The following PAK2 variants were observed in gnomAD, a reference collection of about 807,000 sequenced individuals.
PAK2 encodes serine/threonine-protein kinase PAK 2.
Under a neutral mutation model 65.9 loss-of-function variants are expected in PAK2, and 21 were observed. The ratio of observed to expected loss-of-function variants is 0.32; its 90% CI spans 0.23 to 0.46. PAK2 has a LOEUF of 0.46. Among genes scored for constraint, PAK2 ranks in the 20% least tolerant of loss-of-function variants. The pLI, the probability that PAK2 is intolerant of heterozygous loss-of-function variation, is 1.00. For synonymous variants in PAK2, 204 were observed against 219.7 expected, an observed-to-expected ratio of 0.93 and a Z score of 0.63; for missense variants, 324 against 642.6, an observed-to-expected ratio of 0.50 and a Z score of 5.36.
intron 2 of PAK2, among the ~76,000 whole-genome samples, chr3:196,797,619 G>C (rs1041837178): frequency 1.3e-5 from 2 of 151,942 alleles, no homozygotes; most frequent in Non-Finnish European, 2.9e-5. Context: ...AGGCGTGGTC[G>C]TGGGCACCTG....
rs932230388 is a variant in PAK2, at chr3:196,772,231, G to C, written c.-21-10395G>C. On this transcript the variant is annotated intron_variant, in intron 1 of 14. Transcript: ENST00000327134. The stretch of plus-strand genomic sequence containing the variant: ...TTTCAGGCCTAGCCTTATGTGGGAG[G>C]GACGCCTGTTAATTTTTCAACATTA... Among the ~76,000 whole-genome samples, 9 of 152,212 alleles carry C rather than the reference G, an allele frequency of 5.9e-5. No individual in the cohort carries two copies. In the East Asian group the frequency reaches 1.7e-3, roughly 29 times the overall value.
At chr3:196,817,708 A>G (rs958215594) in intron 11 of PAK2, among the ~76,000 whole-genome samples, 1 of 152,172 alleles carries the variant, frequency 6.6e-6, no homozygotes, top group Non-Finnish European at 1.5e-5. Context: ...CATGTTGGCC[A>G]GGCTGGTCTT....
At chr3:196,749,805 G>A (rs2931210) in intron 1 of PAK2, among the ~76,000 whole-genome samples, 4 of 151,580 alleles carry the variant, frequency 2.6e-5, no homozygotes, top group Non-Finnish European at 5.9e-5. Flanking sequence ...CATTCCAATA[G>A]GTAGTAGTGT....
chr3:196,821,483 A>G (rs1159511371), intron 13 of PAK2, among the ~76,000 whole-genome samples: 1 of 152,150 alleles, frequency 6.6e-6, no homozygotes, highest in African/African-American at 2.4e-5. Context: ...TGGAAGTTCA[A>G]GATCAGCCTG....
At chr3:196,804,770 G>A (rs1715527878) in intron 4 of PAK2, among the ~76,000 whole-genome samples, 1 of 151,400 alleles carries the variant, frequency 6.6e-6, no homozygotes, top group South Asian at 2.1e-4. Context: ...CGCCCGGCCT[G>A]TGCGTATGTA....
chr3:196,814,955 G>T (rs1467167352), intron 11 of PAK2, among the ~76,000 whole-genome samples: 1 of 150,208 alleles, frequency 6.7e-6, no homozygotes, highest in Admixed American at 6.6e-5. Context: ...CGAGGCGGGT[G>T]GATCACAAGG....
At chr3:196,823,907 G>A (rs970732894) in intron 13 of PAK2, among the ~76,000 whole-genome samples, 11 of 151,826 alleles carry the variant, frequency 7.2e-5, no homozygotes, top group African/African-American at 2.7e-4. Context: ...GGATGAGGAA[G>A]ATGAGAATTC....
At chr3:196,827,393 A>C in intron 14 of PAK2, 60 bp downstream of exon 14, 1 of 1,566,812 alleles carries the variant, frequency 6.4e-7, no homozygotes, top group Non-Finnish European at 8.6e-7. Flanking sequence ...ACCGACAGAA[A>C]GCTTTCCTAG....
chr3:196,755,203 G>GT (rs1713728647), intron 1 of PAK2, among the ~76,000 whole-genome samples: 1 of 152,170 alleles, frequency 6.6e-6, no homozygotes, highest in African/African-American at 2.4e-5. Flanking sequence ...AATCACTTAA[G>GT]TAGTAACATC....
chr3:196,804,426 C>G (rs551357785), intron 4 of PAK2, among the ~76,000 whole-genome samples: 1 of 152,012 alleles, frequency 6.6e-6, no homozygotes, highest in South Asian at 2.1e-4. Context: ...TCACCTAGTA[C>G]ACATACATAC....
At chr3:196,810,895 T>C (rs910076204) in intron 8 of PAK2, among the ~76,000 whole-genome samples, 26 of 152,076 alleles carry the variant, frequency 1.7e-4, no homozygotes, top group African/African-American at 6.3e-4. Context: ...CCATCTGTGA[T>C]AATTAGAGGG....
At chr3:196,776,117 C>G (rs1403430727) in intron 1 of PAK2, among the ~76,000 whole-genome samples, 7 of 152,154 alleles carry the variant, frequency 4.6e-5, no homozygotes, top group African/African-American at 1.7e-4. Flanking sequence ...TCCGAATATT[C>G]TTAACACATT....
chr3:196,782,893 T>C (rs1714758470), intron 2 of PAK2, 60 bp downstream of exon 2: 1 of 1,127,834 alleles, frequency 8.9e-7, no homozygotes, highest in Non-Finnish European at 1.3e-6. Context: ...ATGTTACCCA[T>C]GTTGATAACT....
At chr3:196,798,341 TC>T (rs1715321086) in intron 2 of PAK2, among the ~76,000 whole-genome samples, 1 of 130,664 alleles carries the variant, frequency 7.7e-6, no homozygotes, top group Admixed American at 8.9e-5. Context: ...AACTTTTTTT[TC>T]TTTTCTCTTT....
At chr3:196,815,659 C>CAT (rs1715999069) in intron 11 of PAK2, among the ~76,000 whole-genome samples, 2 of 151,618 alleles carry the variant, frequency 1.3e-5, no homozygotes, top group South Asian at 2.1e-4. Context: ...TGGTGGTACG[C>CAT]GCCTGTAGTC....
At chr3:196,761,369 T>C in intron 1 of PAK2, among the ~76,000 whole-genome samples, 1 of 83,328 alleles carries the variant, frequency 1.2e-5, no homozygotes, top group African/African-American at 4.9e-5. Context: ...TTAACGAGCA[T>C]GCTGCCTTCA....
Position 196,820,323 on chromosome 3 carries a change from TA to T in PAK2, c.1154-44del. 1.7e-6 allele frequency: 2 copies of T among 1,186,018 alleles called. No homozygotes were observed. Among genetic ancestry groups the T allele is most frequent in the Non-Finnish European group, 2.4e-6 (2 of 845,264 alleles). 73.5% of individuals were successfully genotyped at this position (1,186,018 alleles called of 1,614,324 possible). On this transcript the variant is annotated intron_variant, in intron 12 of 14. Transcript: ENST00000327134. The surrounding 1 kb of genome is among the most constrained non-coding windows in gnomAD (Gnocchi z 4.6). The stretch of plus-strand genomic sequence containing the variant: ...CATAATCTGAAGTGAACTCTTCTGC[TA>T]AAACCATCCATGGAAGCCATTAACT...
At chr3:196,761,151 T>TC (rs1713948592) in intron 1 of PAK2, among the ~76,000 whole-genome samples, 1 of 148,768 alleles carries the variant, frequency 6.7e-6, no homozygotes, top group South Asian at 2.2e-4. Context: ...ACCGCTTTTT[T>TC]TTTTTTTTTT....
At chr3:196,759,711 G>C (rs1713899598) in intron 1 of PAK2, among the ~76,000 whole-genome samples, 2 of 151,766 alleles carry the variant, frequency 1.3e-5, no homozygotes, top group South Asian at 4.2e-4. Flanking sequence ...ATTTTTAGTA[G>C]AGATGGGGTT....
Sources: allele counts gnomAD v4.1 joint callset (sites outside exome capture counted in the v4.1 genomes callset), GRCh38; gene constraint gnomAD v4.1.1; non-coding constraint Gnocchi (gnomAD v3.1); transcripts MANE v1.5; gene names NCBI Gene and HGNC (gene_info 2026-07-23, HGNC 2026-07-21).